Variants in NYAP2 observed in about 807,000 individuals in gnomAD.
NYAP2 encodes the protein neuronal tyrosine-phosphorylated phosphoinositide-3-kinase adaptor 2.
NYAP2 carries 23 observed loss-of-function variants against 50.4 expected under a neutral mutation model. That is an observed-to-expected ratio of 0.46 (90% confidence interval 0.33 to 0.65). The LOEUF (loss-of-function observed/expected upper bound fraction) is 0.65, where lower values mean the gene tolerates loss of function less well. Among genes scored for constraint, NYAP2 ranks in the 30% least tolerant of loss-of-function variants. NYAP2 has a pLI of 0.02. For synonymous variants in NYAP2, 394 were observed against 365.2 expected, an observed-to-expected ratio of 1.08 and a Z score of -0.90; for missense variants, 885 against 861.0, an observed-to-expected ratio of 1.03 and a Z score of -0.35.
chr2:225,532,727 G>T lies in NYAP2; in HGVS notation c.523+19055G>T, dbSNP rs1297831025. On this transcript the variant is annotated intron_variant, in intron 4 of 6. Transcript: ENST00000636099. ...GGTCTCTAACCCTATAGCATATTAG[G>T]AAACAATGTACAAGCAGGGGAAAAG... Among the ~76,000 whole-genome samples the T allele has an allele frequency of 2.6e-5, 4 of 152,024 alleles. No individual in the cohort carries two copies. The East Asian group carries it at 7.7e-4, about 29-fold the overall frequency.
At chr2:225,515,041 T>C (rs1445149368) in intron 4 of NYAP2, among the ~76,000 whole-genome samples, 1 of 152,200 alleles carries the variant, frequency 6.6e-6, no homozygotes, top group Non-Finnish European at 1.5e-5. Context: ...TCTCCCATCA[T>C]CTTTGTCTCT....
the NYAP2 span, among the ~76,000 whole-genome samples, chr2:225,685,734 T>C: frequency 6.6e-6 from 1 of 152,182 alleles, no homozygotes; most frequent in Non-Finnish European, 1.5e-5. Flanking sequence ...TTTTAAAGAT[T>C]ATACCATGGT....
chr2:225,502,748 T>C (rs13424028), intron 3 of NYAP2, among the ~76,000 whole-genome samples: 28,246 of 152,096 alleles, frequency 0.19, 2,732 homozygotes, highest in East Asian at 0.24. Context: ...CTTTGGTGGT[T>C]GTTAGGGCCC....
chr2:225,405,468 C>G (rs1231925117), intron 2 of NYAP2, among the ~76,000 whole-genome samples: 3 of 151,930 alleles, frequency 2.0e-5, no homozygotes, highest in African/African-American at 7.2e-5. Context: ...AGTCAAAATG[C>G]AGTCAAGTTT....
chr2:225,412,255 C>CTTTT (rs560637948), intron 3 of NYAP2, among the ~76,000 whole-genome samples: 1,872 of 59,064 alleles, frequency 0.032, 290 homozygotes, highest in African/African-American at 0.1. Flanking sequence ...CTGCGCCCGG[C>CTTTT]TTTTTTTTTT....
At chr2:225,434,099 T>TA (rs1250558395) in intron 3 of NYAP2, among the ~76,000 whole-genome samples, 3 of 152,184 alleles carry the variant, frequency 2.0e-5, no homozygotes, top group Admixed American at 6.5e-5. Flanking sequence ...CTCTTTGTGT[T>TA]ACCTTCAGAA....
At chr2:225,526,982 A>G (rs540503023) in intron 4 of NYAP2, among the ~76,000 whole-genome samples, 2 of 152,196 alleles carry the variant, frequency 1.3e-5, no homozygotes, top group South Asian at 2.1e-4. Context: ...CGCATCTACC[A>G]TGTGTGATCT....
intron 3 of NYAP2, among the ~76,000 whole-genome samples, chr2:225,414,551 GGATAGTCGTGTATTGAAC>G (rs1218981614): frequency 2.6e-5 from 4 of 152,062 alleles, no homozygotes; most frequent in Non-Finnish European, 5.9e-5. Context: ...GAAACAGGAA[GGATAGTCGTGTATTGAAC>G]CATTGACACA....
chr2:225,692,019 A>G, the NYAP2 span, among the ~76,000 whole-genome samples: 1 of 152,090 alleles, frequency 6.6e-6, no homozygotes, highest in Non-Finnish European at 1.5e-5. Flanking sequence ...TGCTGTGCCT[A>G]TTGTTCAAGA....
At chr2:225,647,483 T>C (rs1396918607) in intron 6 of NYAP2, among the ~76,000 whole-genome samples, 1 of 152,180 alleles carries the variant, frequency 6.6e-6, no homozygotes, top group Non-Finnish European at 1.5e-5. Context: ...GGGAGAATTT[T>C]CAAATGCCGT....
chr2:225,683,462 C>T, the NYAP2 span, among the ~76,000 whole-genome samples: 1 of 152,160 alleles, frequency 6.6e-6, no homozygotes, highest in East Asian at 1.9e-4. Context: ...CCTTAATCAG[C>T]ATTTAATAAA....
intron 4 of NYAP2, among the ~76,000 whole-genome samples, chr2:225,521,632 T>G (rs1292922415): frequency 6.6e-6 from 1 of 151,732 alleles, no homozygotes; most frequent in East Asian, 1.9e-4. Context: ...GCCCACTTGA[T>G]CATGGTGGAT....
chr2:225,507,558 G>T (rs1456969931), intron 3 of NYAP2, among the ~76,000 whole-genome samples: 1 of 152,130 alleles, frequency 6.6e-6, no homozygotes, highest in African/African-American at 2.4e-5. Flanking sequence ...ACAACATGAG[G>T]GCTACAGTTG....
chr2:225,511,158 C>T (rs1200389346), intron 3 of NYAP2, among the ~76,000 whole-genome samples: 1 of 152,064 alleles, frequency 6.6e-6, no homozygotes, highest in African/African-American at 2.4e-5. Flanking sequence ...TCAAGTATAT[C>T]ATCTATGAGA....
At chr2:225,568,538 A>G (rs937295853) in intron 4 of NYAP2, among the ~76,000 whole-genome samples, 2 of 152,210 alleles carry the variant, frequency 1.3e-5, no homozygotes, top group African/African-American at 4.8e-5. Context: ...CGATTCTAAT[A>G]CTGTCAAAGG....
intron 3 of NYAP2, among the ~76,000 whole-genome samples, chr2:225,473,278 T>C (rs1056904224): frequency 2.0e-5 from 3 of 152,222 alleles, no homozygotes; most frequent in African/African-American, 7.2e-5. Flanking sequence ...TACGTGTGCA[T>C]GTGTCTTTAT....
At chr2:225,632,877 T>C (rs564733087) in intron 6 of NYAP2, among the ~76,000 whole-genome samples, 1 of 152,308 alleles carries the variant, frequency 6.6e-6, no homozygotes, top group South Asian at 2.1e-4. Context: ...TTACTATGTT[T>C]CTTTATGACA....
chr2:225,529,223 C>T (rs563191859), intron 4 of NYAP2, among the ~76,000 whole-genome samples: 1 of 152,298 alleles, frequency 6.6e-6, no homozygotes, highest in South Asian at 2.1e-4. Context: ...TGTTTCTAGA[C>T]TTCAACATGG....
chr2:225,583,921 A>G (rs13407197), intron 5 of NYAP2, among the ~76,000 whole-genome samples: 1,625 of 152,280 alleles, frequency 0.011, 29 homozygotes, highest in Middle Eastern at 0.037. Flanking sequence ...GGGCACCTTT[A>G]GTCCCAGCTA....
Sources: gnomAD v4.1 joint callset for allele counts (sites outside exome capture counted in the v4.1 genomes callset) on GRCh38, gnomAD v4.1.1 for gene constraint, MANE v1.5 for transcripts, NCBI Gene and HGNC (gene_info 2026-07-23, HGNC 2026-07-21) for gene names.